Variants in OGFOD3 observed in about 807,000 individuals in gnomAD.
OGFOD3 encodes 2-oxoglutarate and iron dependent oxygenase domain containing 3.
OGFOD3 carries 35 observed loss-of-function variants against 39.8 expected under a neutral mutation model. The observed-to-expected ratio is 0.88, with a 90% CI of 0.67 to 1.17. The LOEUF (loss-of-function observed/expected upper bound fraction) is 1.17. Ranked by LOEUF, OGFOD3 falls within the 50% of genes most tolerant of loss-of-function variation. The pLI is 0.00. For missense variants in OGFOD3, 438 were observed against 454.5 expected, an observed-to-expected ratio of 0.96 and a Z score of 0.33; for synonymous variants, 200 against 192.0, an observed-to-expected ratio of 1.04 and a Z score of -0.34.
rs546317779 is a variant in OGFOD3 at position 82,394,237 on chromosome 17, G to A, written c.824-1703C>T. The A allele has an allele frequency of 8.8e-5, 85 of 970,268 alleles. No homozygotes were observed. In the African/African-American group the frequency reaches 1.2e-3, roughly 14 times the overall value. 60.1% of individuals were successfully genotyped at this position (970,268 alleles called of 1,614,324 possible). On this transcript the variant is annotated intron_variant, in intron 8 of 8. Transcript: ENST00000313056. ...GATCTCCTGACCTCATGACCCGCCCGTCTTGGCCTCCCAAAGTGCTGGGAT... is the reference window on the plus strand; with the variant it reads ...GATCTCCTGACCTCATGACCCGCCCATCTTGGCCTCCCAAAGTGCTGGGAT...
intron 7 of OGFOD3, among the ~76,000 whole-genome samples, chr17:82,402,260 C>A (rs1233566751): frequency 1.3e-5 from 2 of 151,620 alleles, no homozygotes; most frequent in Non-Finnish European, 2.9e-5. Context: ...CATGGTGAAA[C>A]CCTGTCTCTA....
chr17:82,413,298 G>A (rs1478882333), intron 2 of OGFOD3, among the ~76,000 whole-genome samples: 2 of 152,136 alleles, frequency 1.3e-5, no homozygotes, highest in Non-Finnish European at 1.5e-5. Context: ...GGAGCGACTC[G>A]GCAGGAAGGG....
At chr17:82,418,042 A>C (rs1223396156) in intron 1 of OGFOD3, among the ~76,000 whole-genome samples, 1 of 152,234 alleles carries the variant, frequency 6.6e-6, no homozygotes, top group Middle Eastern at 3.2e-3. Flanking sequence ...AGGCGGAGGC[A>C]CGCTCCTGGC....
At chr17:82,418,175 C>A in intron 1 of OGFOD3, 1 of 389,346 alleles carries the variant, frequency 2.6e-6, no homozygotes, top group Non-Finnish European at 4.7e-6. Flanking sequence ...TCTCTTTCTC[C>A]TGCCCCTCTG....
At position 82,406,664 on chromosome 17, in the gene OGFOD3, G is replaced by C. The variant is rs2052861344; in HGVS notation, c.424-182C>G. 6.6e-6 allele frequency among the ~76,000 whole-genome samples: 1 copy of C among 152,146 alleles called. No homozygotes were observed. The highest frequency in any genetic ancestry group is 1.5e-5 in the Non-Finnish European group (1 of 68,018). On this transcript the variant is annotated intron_variant, in intron 4 of 8. Transcript: ENST00000313056. The surrounding 1 kb of genome is among the most constrained non-coding windows in gnomAD (Gnocchi z 5.2). ...CTGTTGCCCAGGCTAGGGCGCAGTGGCACAATCTCAGCTCATTGCAGCCTC... is the reference window on the plus strand; with the variant it reads ...CTGTTGCCCAGGCTAGGGCGCAGTGCCACAATCTCAGCTCATTGCAGCCTC...
At chr17:82,397,414 GT>G (rs1271137911) in intron 8 of OGFOD3, among the ~76,000 whole-genome samples, 314 of 81,550 alleles carry the variant, frequency 3.9e-3, no homozygotes, top group African/African-American at 6.3e-3. Flanking sequence ...GGGGGGGGGG[GT>G]GAGGGCAGTG....
At position 82,406,552 on chromosome 17, in the gene OGFOD3, G is replaced by A; in HGVS notation, c.424-70C>T. The A allele has an allele frequency of 7.7e-7, 1 of 1,302,608 alleles. No individual in the cohort carries two copies. Among genetic ancestry groups the A allele is most frequent in the Non-Finnish European group, 1.1e-6 (1 of 898,232 alleles). The allele number at this position is 1,302,608 out of a possible 1,614,324, so 80.7% of individuals were successfully genotyped here. On this transcript the variant is annotated intron_variant, in intron 4 of 8. Coordinates refer to ENST00000313056, the MANE Select transcript of OGFOD3 (RefSeq NM_024648.3). This position sits in a 1 kb window ranked among gnomAD's most constrained non-coding sequence, Gnocchi z 5.2. The stretch of plus-strand genomic sequence containing the variant: ...CAATGGCTGTTAAAAGTCATGGATG[G>A]TAAATGCGAGTTTCCAAGGTCTGGC...
chr17:82,403,663 G>A, intron 7 of OGFOD3, among the ~76,000 whole-genome samples: 1 of 152,184 alleles, frequency 6.6e-6, no homozygotes, highest in East Asian at 1.9e-4. Context: ...GCACACAGCA[G>A]GCGGATGCTG....
At chr17:82,408,524 G>A (rs1367307082) in intron 4 of OGFOD3, among the ~76,000 whole-genome samples, 1 of 152,142 alleles carries the variant, frequency 6.6e-6, no homozygotes, top group Non-Finnish European at 1.5e-5. Context: ...ACAAACTGGG[G>A]CTTTAAAACA....
chr17:82,392,466 G>T lies in OGFOD3; in HGVS notation c.892C>A (p.Arg298Ser). ...HRVEKVHWGT[R>S]YAITIAFSCN... The stretch of plus-strand genomic sequence containing the variant: ...CTGAAGGCGATGGTGATGGCGTAAC[G>T]GGTGCCCCAGTGGACCTTCTCCACG... The change falls in exon 9 of 9, where the codon CGT (arginine) becomes AGT (serine). Residue 298 changes from arginine (R) to serine (S), a missense_variant. By Grantham distance (110) the Arg-to-Ser change is moderately radical (BLOSUM62 -1). Transcript: ENST00000313056. The surrounding 1 kb of genome is among the most constrained non-coding windows in gnomAD (Gnocchi z 4.2). 6.2e-7 allele frequency: 1 copy of T among 1,611,640 alleles called. No individual in the cohort carries two copies. The highest frequency in any genetic ancestry group is 2.2e-5 in the East Asian group (1 of 44,790).
rs532280769 is a variant in OGFOD3, at chr17:82,409,449, T to A, written c.381-39A>T. The A allele has an allele frequency of 2.5e-6, 4 of 1,597,730 alleles. No individual in the cohort carries two copies. In the South Asian group the frequency reaches 4.4e-5, roughly 18 times the overall value. On this transcript the variant is annotated intron_variant, in intron 3 of 8. Coordinates refer to ENST00000313056, the MANE Select transcript of OGFOD3 (RefSeq NM_024648.3). ...ATAATTCAGAATTTCGTTGCTAGAA[T>A]TGTCTATAATGTATAATCTAGGCAA... is the stretch of plus-strand genomic sequence containing the variant.
In OGFOD3 at chr17:82,415,419, CGTA is replaced by C. The variant is rs760347624; in HGVS notation, c.280_282del (p.Tyr94del). The C allele has an allele frequency of 3.7e-6, 6 of 1,613,874 alleles. No individual in the cohort carries two copies. The Admixed American group carries it at 1.0e-4, about 27-fold the overall frequency. Reference sequence around the variant, plus strand: ...CTACCTTCGAACCTGCGGTGACTGTCGTAGTCCTCAGAGCAGGGCACCTCGATG... The same window carrying C: ...CTACCTTCGAACCTGCGGTGACTGTCGTCCTCAGAGCAGGGCACCTCGATG... On this transcript the variant is annotated inframe_deletion, in exon 2 of 9. Transcript: ENST00000313056. This position sits in a 1 kb window ranked among gnomAD's most constrained non-coding sequence, Gnocchi z 5.3.
chr17:82,409,357 A>AT lies in OGFOD3; in HGVS notation c.423+10dup. The AT allele has an allele frequency of 6.2e-7, 1 of 1,613,590 alleles. No homozygotes were observed. The highest frequency in any genetic ancestry group is 8.5e-7 in the Non-Finnish European group (1 of 1,179,620). ...GTAAAAAAAGGGGGGCAGGGACTAC[A>AT]TTCAACTCACCCCTCCGTCAGATCC... On this transcript the variant is annotated intron_variant, in intron 4 of 8. Coordinates refer to ENST00000313056, the MANE Select transcript of OGFOD3 (RefSeq NM_024648.3).
intron 1 of OGFOD3, among the ~76,000 whole-genome samples, chr17:82,416,680 T>A (rs7210032): frequency 1.7e-4 from 9 of 51,466 alleles, no homozygotes; most frequent in Non-Finnish European, 2.0e-4. Flanking sequence ...TTTATTATTT[T>A]TTTTTTTGAG....
intron 3 of OGFOD3, among the ~76,000 whole-genome samples, chr17:82,409,831 G>A (rs1474347907): frequency 6.6e-6 from 1 of 152,138 alleles, no homozygotes; most frequent in Non-Finnish European, 1.5e-5. Context: ...GAAGGCAGAG[G>A]TTGCAGTGAG....
Position 82,404,107 on chromosome 17 carries a change from A to T in OGFOD3, c.546-17T>A. 6.4e-7 allele frequency: 1 copy of T among 1,565,640 alleles called. No homozygotes were observed. The highest frequency in any genetic ancestry group is 1.3e-5 in the African/African-American group (1 of 74,448). On this transcript the variant is annotated splice_polypyrimidine_tract_variant and intron_variant, in intron 6 of 8. Coordinates refer to ENST00000313056, the MANE Select transcript of OGFOD3 (RefSeq NM_024648.3). This position sits in a 1 kb window ranked among gnomAD's most constrained non-coding sequence, Gnocchi z 4.5. ...CGCACCTCCCTGCAGAGGACACAATAGCCGTCAGCGCAGCCCCAGGCGGGA... is the reference window on the plus strand; with the variant it reads ...CGCACCTCCCTGCAGAGGACACAATTGCCGTCAGCGCAGCCCCAGGCGGGA...
intron 2 of OGFOD3, among the ~76,000 whole-genome samples, chr17:82,413,482 A>C (rs2052986189): frequency 6.6e-6 from 1 of 152,170 alleles, no homozygotes; most frequent in Non-Finnish European, 1.5e-5. Context: ...GGTCAGGAGA[A>C]ATACCCACAA....
chr17:82,405,387 A>G lies in OGFOD3; in HGVS notation c.489-7T>C, dbSNP rs2143250229. 6.2e-7 allele frequency: 1 copy of G among 1,612,364 alleles called. No homozygotes were observed. The highest frequency in any genetic ancestry group is 8.5e-7 in the Non-Finnish European group (1 of 1,178,330). ...TATTTTATCCCCGAAGTATCTGTGA[A>G]AAAAGGAGTATTCACAAAGGTCACA... On this transcript the variant is annotated splice_polypyrimidine_tract_variant and splice_region_variant and intron_variant, in intron 5 of 8. Coordinates refer to ENST00000313056, the MANE Select transcript of OGFOD3 (RefSeq NM_024648.3).
chr17:82,395,648 C>G (rs1458507234), intron 8 of OGFOD3, among the ~76,000 whole-genome samples: 1 of 152,040 alleles, frequency 6.6e-6, no homozygotes, highest in South Asian at 2.1e-4. Flanking sequence ...GGTGAAACCC[C>G]GTCTCTACTA....
Sources: allele counts gnomAD v4.1 joint callset (sites outside exome capture counted in the v4.1 genomes callset), GRCh38; gene constraint gnomAD v4.1.1; non-coding constraint Gnocchi (gnomAD v3.1); transcripts MANE v1.5; gene names NCBI Gene and HGNC (gene_info 2026-07-23, HGNC 2026-07-21).